Variants in GRAMD1B observed in about 807,000 individuals in gnomAD.
GRAMD1B encodes protein Aster-B.
Under a neutral mutation model 99.7 loss-of-function variants are expected in GRAMD1B, and 37 were observed. The observed-to-expected ratio is 0.37, with a 90% CI of 0.29 to 0.49. The LOEUF (loss-of-function observed/expected upper bound fraction) is 0.49. Among genes scored for constraint, GRAMD1B ranks in the 20% least tolerant of loss-of-function variants. The probability of loss-of-function intolerance (pLI) is 0.98; values close to 1 mark genes in which losing one functional copy is unlikely to be tolerated. For synonymous variants in GRAMD1B, 427 were observed against 387.6 expected (o/e 1.10, Z -1.19); for missense variants, 888 against 1,009.2 (o/e 0.88, Z 1.63).
intron 1 of GRAMD1B, among the ~76,000 whole-genome samples, chr11:123,440,990 C>T (rs1949380002): frequency 1.3e-5 from 2 of 152,200 alleles, no homozygotes; most frequent in Admixed American, 6.5e-5. Context: ...CTTCTCTTGT[C>T]TGCCACCATG....
At chr11:123,457,817 G>C (rs1386432356) in intron 1 of GRAMD1B, among the ~76,000 whole-genome samples, 1 of 152,196 alleles carries the variant, frequency 6.6e-6, no homozygotes. Context: ...CTGGGCTCAA[G>C]TGATCCTCCT....
intron 2 of GRAMD1B, among the ~76,000 whole-genome samples, chr11:123,542,765 G>T (rs1944660842): frequency 6.6e-6 from 1 of 152,098 alleles, no homozygotes; most frequent in Admixed American, 6.6e-5. Flanking sequence ...CAATTCTTCT[G>T]CTTCAGCCTC....
At chr11:123,462,905 A>AAG (rs1950504604) in intron 1 of GRAMD1B, among the ~76,000 whole-genome samples, 1 of 150,090 alleles carries the variant, frequency 6.7e-6, no homozygotes, top group Non-Finnish European at 1.5e-5. Flanking sequence ...AAAAAAAAAA[A>AAG]AAAAAAAGAA....
chr11:123,451,755 G>A lies in GRAMD1B; in HGVS notation c.374+20589G>A, dbSNP rs114377572. On this transcript the variant is annotated intron_variant, in intron 1 of 19. Coordinates refer to ENST00000635736, the MANE Select transcript of GRAMD1B (RefSeq NM_001387025.1). ...ACTTGTTGCTTGGCTGCTATGTGCT[G>A]GCCACTGAGGTGTGGCTGGCTTCTT... 8.7e-3 allele frequency among the ~76,000 whole-genome samples: 1,326 copies of A among 152,180 alleles called. 21 individuals carry two copies. Among genetic ancestry groups the A allele is most frequent in the African/African-American group, 0.029 (1,222 of 41,522 alleles).
intron 1 of GRAMD1B, among the ~76,000 whole-genome samples, chr11:123,384,235 C>G (rs1946983189): frequency 6.6e-6 from 1 of 152,158 alleles, no homozygotes; most frequent in African/African-American, 2.4e-5. Context: ...CTTTTGACTT[C>G]TCAACCCCCT....
At chr11:123,485,466 T>C (rs1253458065) in intron 2 of GRAMD1B, among the ~76,000 whole-genome samples, 1 of 152,156 alleles carries the variant, frequency 6.6e-6, no homozygotes, top group Non-Finnish European at 1.5e-5. Flanking sequence ...CTTATTCACA[T>C]TGACGCTCTG....
At chr11:123,515,203 C>T (rs1361837620) in intron 2 of GRAMD1B, among the ~76,000 whole-genome samples, 1 of 152,120 alleles carries the variant, frequency 6.6e-6, no homozygotes, top group Non-Finnish European at 1.5e-5. Flanking sequence ...TGATACAAGA[C>T]GTCAGAGTTG....
In GRAMD1B at chr11:123,590,033, T is replaced by A. The variant is rs1318194330; in HGVS notation, c.685-4049T>A. Reference sequence around the variant, plus strand: ...CTAGCTTCTTGGTCTGGAGGCTTTCTTGCCCCATTGGCCTGGCTTTCATTT... The same window carrying A: ...CTAGCTTCTTGGTCTGGAGGCTTTCATGCCCCATTGGCCTGGCTTTCATTT... On this transcript the variant is annotated intron_variant, in intron 4 of 19. Coordinates refer to ENST00000635736, the MANE Select transcript of GRAMD1B (RefSeq NM_001387025.1). Among the ~76,000 whole-genome samples the A allele has an allele frequency of 3.9e-5, 6 of 152,236 alleles. 1 individual carries two copies. Among genetic ancestry groups the A allele is most frequent in the Non-Finnish European group, 1.5e-5 (1 of 68,028 alleles).
At chr11:123,576,796 C>T (rs1948756697) in intron 2 of GRAMD1B, among the ~76,000 whole-genome samples, 1 of 152,212 alleles carries the variant, frequency 6.6e-6, no homozygotes, top group African/African-American at 2.4e-5. Context: ...CATTTAGCTT[C>T]CCTCTGTCAG....
At chr11:123,583,305 T>C (rs1312779988) in intron 3 of GRAMD1B, among the ~76,000 whole-genome samples, 2 of 150,926 alleles carry the variant, frequency 1.3e-5, no homozygotes, top group African/African-American at 4.9e-5. Context: ...TGTGAATGTG[T>C]GTGTGCACGT....
intron 2 of GRAMD1B, among the ~76,000 whole-genome samples, chr11:123,545,188 C>T (rs1011535525): frequency 1.3e-5 from 2 of 152,184 alleles, no homozygotes; most frequent in African/African-American, 2.4e-5. Flanking sequence ...GTGAGGTGCC[C>T]GCATCAGTTT....
intron 3 of GRAMD1B, among the ~76,000 whole-genome samples, chr11:123,584,097 C>T (rs1427174229): frequency 2.0e-5 from 3 of 151,932 alleles, no homozygotes; most frequent in Non-Finnish European, 4.4e-5. Context: ...ACCCCGCCCG[C>T]GGTGGGCTTC....
At chr11:123,560,408 T>C (rs1946607402) in intron 2 of GRAMD1B, 1 of 1,144,396 alleles carries the variant, frequency 8.7e-7, no homozygotes. Flanking sequence ...TAAAGGGGAG[T>C]CATGCTTAAA....
rs193147646 is a variant in GRAMD1B at position 123,581,959 on chromosome 11, C to G, written c.664-2353C>G. Among the ~76,000 whole-genome samples the G allele has an allele frequency of 3.1e-3, 473 of 152,368 alleles. 5 individuals carry two copies. Among genetic ancestry groups the G allele is most frequent in the Admixed American group, 0.013 (193 of 15,310 alleles). On this transcript the variant is annotated intron_variant, in intron 3 of 19. Coordinates refer to ENST00000635736, the MANE Select transcript of GRAMD1B (RefSeq NM_001387025.1). ...TCACAGGCATCCGGGGTCCCCCTGT[C>G]AGCCCATGTTCCTGTTGCCCCCTTT...
At chr11:123,617,347 C>T (rs140263282) in intron 17 of GRAMD1B, among the ~76,000 whole-genome samples, 2,442 of 151,908 alleles carry the variant, frequency 0.016, 25 homozygotes, top group Non-Finnish European at 0.026. Context: ...CCACACCTGA[C>T]TAATTTTTAA....
At chr11:123,468,116 C>T (rs1197682177) in intron 1 of GRAMD1B, among the ~76,000 whole-genome samples, 1 of 152,104 alleles carries the variant, frequency 6.6e-6, no homozygotes, top group African/African-American at 2.4e-5. Flanking sequence ...CCCGCCTTGG[C>T]CTCCCAAAGT....
intron 1 of GRAMD1B, chr11:123,458,254 T>C (rs1168437171): frequency 6.6e-6 from 1 of 152,186 alleles, no homozygotes; most frequent in Admixed American, 6.5e-5. Flanking sequence ...GAGAAGCTGA[T>C]GTTGTAACTC....
intron 1 of GRAMD1B, among the ~76,000 whole-genome samples, chr11:123,414,019 G>A (rs1015735314): frequency 2.0e-5 from 3 of 151,862 alleles, no homozygotes; most frequent in Non-Finnish European, 4.4e-5. Flanking sequence ...GAAACTGTTA[G>A]TGGTCTTAGA....
chr11:123,490,095 G>T (rs1938377086), intron 2 of GRAMD1B, among the ~76,000 whole-genome samples: 1 of 152,220 alleles, frequency 6.6e-6, no homozygotes, highest in Admixed American at 6.5e-5. Context: ...TATGTACTGG[G>T]ATTTCCAGTC....
Sources: allele counts gnomAD v4.1 joint callset (sites outside exome capture counted in the v4.1 genomes callset), GRCh38; gene constraint gnomAD v4.1.1; transcripts MANE v1.5; gene names NCBI Gene and HGNC (gene_info 2026-07-23, HGNC 2026-07-21).